Variants in CNTNAP4 observed in about 807,000 individuals in gnomAD.
CNTNAP4 encodes the protein contactin associated protein family member 4.
A neutral mutation model predicts 148.4 loss-of-function variants in CNTNAP4; 98 were observed. The observed-to-expected ratio is 0.66, with a 90% confidence interval of 0.56 to 0.78. The LOEUF is 0.78. Ranked by LOEUF, CNTNAP4 falls within the 30% of genes least tolerant of loss-of-function variation. The pLI, the probability that CNTNAP4 is intolerant of heterozygous loss-of-function variation, is 0.00. For synonymous variants in CNTNAP4, 730 were observed against 565.1 expected, an observed-to-expected ratio of 1.29 and a Z score of -4.14; for missense variants, 1,935 against 1,565.6, an observed-to-expected ratio of 1.24 and a Z score of -3.98.
chr16:76,552,947 C>G (rs936513711), intron 21 of CNTNAP4, among the ~76,000 whole-genome samples: 1 of 152,126 alleles, frequency 6.6e-6, no homozygotes, highest in Non-Finnish European at 1.5e-5. Flanking sequence ...ACTACAAGCC[C>G]TATTGTAAAT....
intron 1 of CNTNAP4, among the ~76,000 whole-genome samples, chr16:76,300,854 A>T (rs775985339): frequency 2.0e-5 from 3 of 152,136 alleles, no homozygotes; most frequent in Non-Finnish European, 4.4e-5. Context: ...AGACACTATG[A>T]CATATGTTAG....
chr16:76,464,389 C>T (rs926448467), intron 9 of CNTNAP4, among the ~76,000 whole-genome samples: 1 of 152,126 alleles, frequency 6.6e-6, no homozygotes, highest in African/African-American at 2.4e-5. Context: ...TCAACTCTTG[C>T]CAACTTTAGC....
intron 15 of CNTNAP4, among the ~76,000 whole-genome samples, chr16:76,519,454 T>C (rs2083377590): frequency 6.6e-6 from 1 of 152,198 alleles, no homozygotes; most frequent in Admixed American, 6.5e-5. Context: ...ATTTAAACCT[T>C]TAAGTAATTA....
intron 3 of CNTNAP4, among the ~76,000 whole-genome samples, chr16:76,406,666 G>A (rs1462502924): frequency 5.9e-5 from 9 of 152,154 alleles, no homozygotes; most frequent in Non-Finnish European, 1.0e-4. Context: ...TTGCTGATAC[G>A]AAGACAGTTT....
intron 3 of CNTNAP4, among the ~76,000 whole-genome samples, chr16:76,421,006 T>G (rs921263087): frequency 2.0e-5 from 3 of 152,192 alleles, no homozygotes; most frequent in Admixed American, 6.6e-5. Context: ...TGTCCACATA[T>G]CTCTCATAAA....
At chr16:76,331,941 T>C (rs1335239201) in intron 2 of CNTNAP4, among the ~76,000 whole-genome samples, 2 of 152,226 alleles carry the variant, frequency 1.3e-5, no homozygotes, top group Admixed American at 6.5e-5. Context: ...TTCGGGAATG[T>C]CACTTCTTCA....
intron 12 of CNTNAP4, among the ~76,000 whole-genome samples, chr16:76,484,596 T>C (rs941077635): frequency 3.3e-5 from 5 of 152,148 alleles, no homozygotes; most frequent in Admixed American, 6.5e-5. Context: ...AGGTTAAGTG[T>C]AGGAGGTATA....
chr16:76,307,881 C>G lies in CNTNAP4; in HGVS notation c.86-8532C>G, dbSNP rs2144002100. ...ATTAATTGGAAAAGCTATTCAAACTCAGGCTATAACTTGGAGCATGTAAGC... is the reference window on the plus strand; with the variant it reads ...ATTAATTGGAAAAGCTATTCAAACTGAGGCTATAACTTGGAGCATGTAAGC... On this transcript the variant is annotated intron_variant, in intron 1 of 23. Transcript: ENST00000611870. Among the ~76,000 whole-genome samples the G allele has an allele frequency of 1.3e-5, 2 of 152,250 alleles. 1 individual carries two copies. The highest frequency in any genetic ancestry group is 3.9e-4 in the East Asian group (2 of 5,170).
chr16:76,501,138 C>T (rs753562220), intron 15 of CNTNAP4, among the ~76,000 whole-genome samples: 1 of 152,176 alleles, frequency 6.6e-6, no homozygotes, highest in East Asian at 1.9e-4. Flanking sequence ...ATATGTATCA[C>T]CTCTACTTCC....
intron 3 of CNTNAP4, among the ~76,000 whole-genome samples, chr16:76,400,576 G>A (rs1256623830): frequency 2.0e-5 from 3 of 152,048 alleles, no homozygotes; most frequent in Non-Finnish European, 4.4e-5. Flanking sequence ...TGATTTTGTC[G>A]TGATTGCTTT....
At position 76,499,967 on chromosome 16, in the gene CNTNAP4, A is replaced by G. The variant is rs528142489; in HGVS notation, c.2365+1273A>G. Among the ~76,000 whole-genome samples the G allele has an allele frequency of 7.0e-4, 107 of 152,246 alleles. 2 individuals are homozygous for G. Among genetic ancestry groups the G allele is most frequent in the Admixed American group, 6.1e-3 (94 of 15,300 alleles). On this transcript the variant is annotated intron_variant, in intron 15 of 23. Transcript: ENST00000611870. ...CTCCTATGTCTACTTCTTTCTACAC[A>G]GACACAGTAACAATCTGATCTCTCT...
intron 17 of CNTNAP4, among the ~76,000 whole-genome samples, chr16:76,526,104 G>A (rs1161853966): frequency 6.6e-6 from 1 of 152,020 alleles, no homozygotes; most frequent in African/African-American, 2.4e-5. Flanking sequence ...CAAGTAGGGT[G>A]GTCAGTGCAG....
At chr16:76,463,754 G>T (rs1487143433) in intron 9 of CNTNAP4, among the ~76,000 whole-genome samples, 1 of 152,078 alleles carries the variant, frequency 6.6e-6, no homozygotes, top group African/African-American at 2.4e-5. Flanking sequence ...TCTGTCCCTT[G>T]TATCATATCT....
chr16:76,407,968 A>C (rs2078655250), intron 3 of CNTNAP4, among the ~76,000 whole-genome samples: 1 of 152,080 alleles, frequency 6.6e-6, no homozygotes, highest in African/African-American at 2.4e-5. Flanking sequence ...AGCAACCACC[A>C]CCCTGATCAG....
At chr16:76,320,466 A>T (rs1008879058) in intron 2 of CNTNAP4, among the ~76,000 whole-genome samples, 1 of 152,198 alleles carries the variant, frequency 6.6e-6, no homozygotes, top group Non-Finnish European at 1.5e-5. Context: ...TGAAGAGAAC[A>T]TTAAGGATGG....
At chr16:76,371,973 C>T (rs544391118) in intron 3 of CNTNAP4, among the ~76,000 whole-genome samples, 102 of 152,286 alleles carry the variant, frequency 6.7e-4, no homozygotes, top group African/African-American at 2.4e-3. Context: ...TCTCTAAGTT[C>T]TTACTTCCAA....
intron 3 of CNTNAP4, among the ~76,000 whole-genome samples, chr16:76,371,701 C>G (rs1408652463): frequency 6.6e-6 from 1 of 152,214 alleles, no homozygotes; most frequent in Non-Finnish European, 1.5e-5. Flanking sequence ...CTGTCCAGTC[C>G]TAACCTTGGC....
rs766972116 is a variant in CNTNAP4, at chr16:76,396,254, A to T, written c.391-31198A>T. Among the ~76,000 whole-genome samples the T allele has an allele frequency of 2.0e-5, 3 of 152,312 alleles. No homozygotes were observed. In the East Asian group the frequency reaches 5.8e-4, roughly 29 times the overall value. The stretch of plus-strand genomic sequence containing the variant: ...GCATATTCATTTGCCATTTAATTCA[A>T]TAAAGAACAGCAAATGTATTGATTG... On this transcript the variant is annotated intron_variant, in intron 3 of 23. Transcript: ENST00000611870.
At chr16:76,517,891 T>TTA in intron 15 of CNTNAP4, among the ~76,000 whole-genome samples, 1 of 152,100 alleles carries the variant, frequency 6.6e-6, no homozygotes, top group South Asian at 2.1e-4. Context: ...TGTTTTTTTT[T>TTA]AAAAAAGGAA....
Sources: allele counts gnomAD v4.1 joint callset (sites outside exome capture counted in the v4.1 genomes callset), GRCh38; gene constraint gnomAD v4.1.1; transcripts MANE v1.5; gene names NCBI Gene and HGNC (gene_info 2026-07-23, HGNC 2026-07-21).